The following PCDHA10 variants were observed in gnomAD, a reference collection of about 807,000 sequenced individuals.
PCDHA10 encodes protocadherin alpha-10.
A neutral mutation model predicts 61.2 loss-of-function variants in PCDHA10; 45 were observed. The ratio of observed to expected loss-of-function variants is 0.74; its 90% confidence interval spans 0.58 to 0.94. The LOEUF is 0.94. Ranked by LOEUF, PCDHA10 falls within the 40% of genes least tolerant of loss-of-function variation. PCDHA10 has a pLI of 0.00. For missense variants in PCDHA10, 1,278 were observed against 1,236.2 expected (o/e 1.03, Z -0.51); for synonymous variants, 602 against 548.8 (o/e 1.10, Z -1.35).
intron 3 of PCDHA10, among the ~76,000 whole-genome samples, chr5:140,994,024 A>G (rs1440214596): frequency 6.6e-6 from 1 of 152,234 alleles, no homozygotes; most frequent in East Asian, 1.9e-4. Context: ...TGATGCAGAT[A>G]TAATATTAAA....
intron 1 of PCDHA10, chr5:140,871,323 CT>C (rs2052977645): frequency 6.2e-7 from 1 of 1,614,102 alleles, no homozygotes; most frequent in Non-Finnish European, 8.5e-7. Context: ...CGCTGGTGTG[CT>C]CCCGCGCGGT....
chr5:140,874,917 T>G (rs2153317662), intron 1 of PCDHA10, among the ~76,000 whole-genome samples: 2 of 152,292 alleles, frequency 1.3e-5, no homozygotes, highest in Middle Eastern at 6.8e-3. Flanking sequence ...GGAGTGCTTG[T>G]GAAGGTTAAA....
intron 1 of PCDHA10, among the ~76,000 whole-genome samples, chr5:140,881,674 T>C (rs782706305): frequency 5.3e-5 from 8 of 152,254 alleles, no homozygotes; most frequent in Non-Finnish European, 1.0e-4. Context: ...TCTTATGTGA[T>C]TGTTATGTTT....
In PCDHA10 at chr5:140,995,570, A is replaced by T. The variant is rs186345842; in HGVS notation, c.2536+13007A>T. ...TCACTGTACTGAATAATATGTCAAG[A>T]TGAGCTATGAGCTTTTAACTTAGTG... is the stretch of plus-strand genomic sequence containing the variant. On this transcript the variant is annotated intron_variant, in intron 3 of 3. Transcript: ENST00000307360. Among the ~76,000 whole-genome samples, 3 of 152,328 alleles carry T rather than the reference A, an allele frequency of 2.0e-5. No homozygotes were observed. In the East Asian group the frequency reaches 5.8e-4, roughly 29 times the overall value.
At chr5:140,877,284 C>T (rs1318334277) in intron 1 of PCDHA10, 3 of 1,613,900 alleles carry the variant, frequency 1.9e-6, no homozygotes, top group Non-Finnish European at 2.5e-6. Context: ...CCGGCTATAA[C>T]GCTTGGCTGT....
intron 1 of PCDHA10, among the ~76,000 whole-genome samples, chr5:140,918,404 T>C (rs2078676215): frequency 6.6e-6 from 1 of 152,196 alleles, no homozygotes; most frequent in Admixed American, 6.5e-5. Context: ...CTGATTTCTC[T>C]GGCCAGGACT....
At chr5:140,979,078 A>G (rs2240296) in intron 2 of PCDHA10, 71 bp downstream of exon 2, 2 of 1,583,496 alleles carry the variant, frequency 1.3e-6, no homozygotes, top group East Asian at 4.5e-5. Flanking sequence ...CTGCATCTCC[A>G]TAGGCCAGAA....
At chr5:140,965,030 C>A (rs2095870201) in intron 1 of PCDHA10, among the ~76,000 whole-genome samples, 1 of 152,166 alleles carries the variant, frequency 6.6e-6, no homozygotes, top group East Asian at 1.9e-4. Flanking sequence ...GCTCCTTTAA[C>A]TGTCCGCTCT....
At chr5:141,008,961 A>G (rs2098395078) in intron 3 of PCDHA10, among the ~76,000 whole-genome samples, 1 of 152,214 alleles carries the variant, frequency 6.6e-6, no homozygotes, top group Non-Finnish European at 1.5e-5. Context: ...ACATCCTAAT[A>G]CATTTATAGC....
chr5:140,861,529 A>G, intron 1 of PCDHA10: 1 of 450,984 alleles, frequency 2.2e-6, no homozygotes, highest in Non-Finnish European at 4.6e-6. Flanking sequence ...AGGATCTCGG[A>G]GTGCAGCATC....
At chr5:140,869,313 A>G in intron 1 of PCDHA10, 1 of 1,613,732 alleles carries the variant, frequency 6.2e-7, no homozygotes, top group Non-Finnish European at 8.5e-7. Context: ...CGTCCAAAAC[A>G]CATGGGGACC....
intron 1 of PCDHA10, among the ~76,000 whole-genome samples, chr5:140,891,795 A>T (rs2063252569): frequency 6.6e-6 from 1 of 152,178 alleles, no homozygotes; most frequent in South Asian, 2.1e-4. Flanking sequence ...ATTATGAGGG[A>T]TCTGCCCTCA....
chr5:140,894,571 T>A (rs782019282), intron 1 of PCDHA10, among the ~76,000 whole-genome samples: 5 of 151,906 alleles, frequency 3.3e-5, no homozygotes, highest in Non-Finnish European at 5.9e-5. Context: ...TTATTTTCCT[T>A]TTTTTTAATA....
Position 140,856,323 on chromosome 5 carries a change from A to T in PCDHA10, c.275A>T (p.Glu92Val), listed in dbSNP as rs781846770. ...TTTGTGAATTCTCGGATTGACCGCG[A>T]GGAGCTGTGCGGGCGGAGCGTGGAG... ...ILFVNSRIDREELCGRSVECS... is the reference protein window; with the variant it reads ...ILFVNSRIDRVELCGRSVECS... Residue 92 changes from glutamate (E) to valine (V), a missense_variant, in exon 1 of 4, where the codon GAG becomes GTG. By Grantham distance (121) the Glu-to-Val change is moderately radical. Transcript: ENST00000307360. The T allele has an allele frequency of 3.1e-6, 5 of 1,598,532 alleles. No individual in the cohort carries two copies. The East Asian group carries it at 1.1e-4, about 36-fold the overall frequency.
intron 1 of PCDHA10, chr5:140,927,406 G>C: frequency 6.2e-7 from 1 of 1,614,210 alleles, no homozygotes; most frequent in East Asian, 2.2e-5. Context: ...CTTTCGCCTG[G>C]ACATGGGATC....
chr5:140,871,522 A>G (rs1554165699), intron 1 of PCDHA10: 1 of 1,549,186 alleles, frequency 6.5e-7, no homozygotes, highest in Non-Finnish European at 8.7e-7. Context: ...TCCACCTATC[A>G]GGAAGTGTAT....
In PCDHA10 at chr5:141,010,301, A is replaced by G. The variant is rs1232797660; in HGVS notation, c.*364A>G. On this transcript the variant is annotated 3_prime_UTR_variant, in exon 4 of 4. Coordinates refer to ENST00000307360, the MANE Select transcript of PCDHA10 (RefSeq NM_018901.4). ...TTGATGACACTTGCAGGGCAGGCTG[A>G]AAAGTTTTGAGATTGAGCAGCTTGG... 1 of 1,548,942 alleles carries G rather than the reference A, an allele frequency of 6.5e-7. No individual in the cohort carries two copies. Among genetic ancestry groups the G allele is most frequent in the African/African-American group, 1.4e-5 (1 of 72,848 alleles).
intron 1 of PCDHA10, chr5:140,870,945 G>A (rs782397621): frequency 1.2e-6 from 2 of 1,613,724 alleles, no homozygotes; most frequent in Non-Finnish European, 1.7e-6. Context: ...AGCCGGCGGC[G>A]GGCGGCTCGC....
intron 1 of PCDHA10, among the ~76,000 whole-genome samples, chr5:140,963,794 A>G (rs2095791576): frequency 6.6e-6 from 1 of 152,248 alleles, no homozygotes; most frequent in Non-Finnish European, 1.5e-5. Flanking sequence ...ACAATAATGT[A>G]CTTAACTAGT....
Sources: gnomAD v4.1 joint callset for allele counts (sites outside exome capture counted in the v4.1 genomes callset) on GRCh38, gnomAD v4.1.1 for gene constraint, MANE v1.5 for transcripts, NCBI Gene and HGNC (gene_info 2026-07-23, HGNC 2026-07-21) for gene names.